Variants in ETV6 observed in about 807,000 individuals in gnomAD.
The protein encoded by ETV6 is transcription factor ETV6.
In ETV6, 16 loss-of-function variants were observed where a neutral mutation model predicts 51.1. The ratio of observed to expected loss-of-function variants is 0.31; its 90% confidence interval spans 0.21 to 0.48. The LOEUF is 0.48. Ranked by LOEUF, ETV6 falls within the 20% of genes least tolerant of loss-of-function variation. ETV6 has a pLI of 0.99. For synonymous variants in ETV6, 240 were observed against 224.1 expected, an observed-to-expected ratio of 1.07 and a Z score of -0.64; for missense variants, 458 against 594.8, an observed-to-expected ratio of 0.77 and a Z score of 2.39.
intron 1 of ETV6, among the ~76,000 whole-genome samples, chr12:11,744,227 T>C (rs1400136886): frequency 6.6e-6 from 1 of 152,198 alleles, no homozygotes. Context: ...CTCAGTTCAT[T>C]ACTTGTTAGC....
intron 2 of ETV6, among the ~76,000 whole-genome samples, chr12:11,799,656 A>G (rs1307014820): frequency 2.0e-5 from 3 of 152,232 alleles, no homozygotes; most frequent in Non-Finnish European, 4.4e-5. Flanking sequence ...TTGTGCTGCA[A>G]TGCCATTACG....
chr12:11,650,304 C>T (rs1863867713), intron 1 of ETV6, 144 bp downstream of exon 1: 8 of 742,434 alleles, frequency 1.1e-5, no homozygotes, highest in Non-Finnish European at 1.9e-5. Flanking sequence ...AGAGATGCAG[C>T]TCGCGGTGGC....
intron 7 of ETV6, among the ~76,000 whole-genome samples, chr12:11,890,089 G>T (rs945474951): frequency 1.3e-5 from 2 of 150,850 alleles, no homozygotes; most frequent in East Asian, 1.9e-4. Flanking sequence ...TTCATTGCTG[G>T]CATTTTGGGT....
chr12:11,879,094 C>CT (rs952109532), intron 5 of ETV6, among the ~76,000 whole-genome samples: 12 of 151,408 alleles, frequency 7.9e-5, no homozygotes, highest in African/African-American at 1.9e-4. Flanking sequence ...TTAGTAGCAA[C>CT]TTTTTTTTTC....
intron 1 of ETV6, among the ~76,000 whole-genome samples, chr12:11,738,401 C>G (rs546497986): frequency 6.7e-6 from 1 of 150,350 alleles, no homozygotes; most frequent in South Asian, 2.1e-4. Flanking sequence ...ACCAGCCTTG[C>G]ACTTCTTGGG....
At chr12:11,889,837 T>C (rs1009750004) in intron 7 of ETV6, among the ~76,000 whole-genome samples, 6 of 152,288 alleles carry the variant, frequency 3.9e-5, no homozygotes, top group Admixed American at 2.6e-4. Context: ...AGAGAAAATG[T>C]AAGCTCTAAG....
At chr12:11,787,659 C>T (rs1285168069) in intron 2 of ETV6, among the ~76,000 whole-genome samples, 1 of 152,170 alleles carries the variant, frequency 6.6e-6, no homozygotes, top group Admixed American at 6.5e-5. Flanking sequence ...CAAGATCACA[C>T]AGCAAGTAGG....
Position 11,873,115 on chromosome 12 carries a change from C to T in ETV6, c.1009+3146C>T, listed in dbSNP as rs148986976. On this transcript the variant is annotated intron_variant, in intron 5 of 7. Coordinates refer to ENST00000396373, the MANE Select transcript of ETV6 (RefSeq NM_001987.5). ...GGCATATTCAAAAGTTTTTAAATCTCCCAATATATATTTTAACTAATGCAA... is the reference window on the plus strand; with the variant it reads ...GGCATATTCAAAAGTTTTTAAATCTTCCAATATATATTTTAACTAATGCAA... 2.3e-3 allele frequency among the ~76,000 whole-genome samples: 352 copies of T among 152,258 alleles called. 7 individuals carry two copies. In the East Asian group the frequency reaches 0.058, roughly 25 times the overall value.
At chr12:11,800,639 C>A (rs1237906493) in intron 2 of ETV6, among the ~76,000 whole-genome samples, 1 of 152,142 alleles carries the variant, frequency 6.6e-6, no homozygotes. Context: ...TATATCTTTT[C>A]ATTACTGGCT....
chr12:11,699,697 G>A (rs1437338582), intron 1 of ETV6, among the ~76,000 whole-genome samples: 1 of 152,138 alleles, frequency 6.6e-6, no homozygotes, highest in Non-Finnish European at 1.5e-5. Flanking sequence ...AAAGAGGATA[G>A]GAAAATGCTC....
rs147213844 is a variant in ETV6, at chr12:11,895,246, G to GT, written c.*4201dup. 1,318 of 231,482 alleles carry GT rather than the reference G, an allele frequency of 5.7e-3. 22 individuals carry two copies. The highest frequency in any genetic ancestry group is 0.027 in the African/African-American group (1,210 of 45,024). The allele number at this position is 231,482 out of a possible 1,614,324, so 14.3% of individuals were successfully genotyped here. On this transcript the variant is annotated 3_prime_UTR_variant, in exon 8 of 8. Transcript: ENST00000396373. ...GTTTCTAATCTCTTGTTTATGAGGT[G>GT]TGGGGTTTATAAGGGACTGAATCAA...
chr12:11,844,586 T>A (rs555844487), intron 3 of ETV6, among the ~76,000 whole-genome samples: 195 of 152,210 alleles, frequency 1.3e-3, no homozygotes, highest in Non-Finnish European at 2.2e-3. Flanking sequence ...AATGGTAGGT[T>A]TGCCAGATTG....
intron 1 of ETV6, among the ~76,000 whole-genome samples, chr12:11,678,973 A>C (rs1213400514): frequency 6.6e-6 from 1 of 152,184 alleles, no homozygotes; most frequent in African/African-American, 2.4e-5. Context: ...AGACTGCTTT[A>C]CTGTTCAGGA....
Position 11,894,279 on chromosome 12 carries a change from C to T in ETV6, c.*3233C>T, listed in dbSNP as rs1309811327. ...AGAGGAAAATGCAAAGGAGCCCTGC[C>T]GTGTGATGGATGTGCATTCTCACTT... On this transcript the variant is annotated 3_prime_UTR_variant, in exon 8 of 8. Transcript: ENST00000396373. 9 of 232,876 alleles carry T rather than the reference C, an allele frequency of 3.9e-5. No homozygotes were observed. Among genetic ancestry groups the T allele is most frequent in the Admixed American group, 5.6e-5 (1 of 17,784 alleles). 14.4% of individuals were successfully genotyped at this position (232,876 alleles called of 1,614,324 possible). A position where few individuals can be genotyped will look rare whatever the true frequency, so the allele number is the denominator to read the frequency against.
chr12:11,859,143 T>C lies in ETV6; in HGVS notation c.463+5582T>C, dbSNP rs1417732086. ...GGTTTTTTTTTTTTTTTTTTTTTTT[T>C]TTTTTTTTTTTTTTTTGAGAAGGAG... On this transcript the variant is annotated intron_variant, in intron 4 of 7. Coordinates refer to ENST00000396373, the MANE Select transcript of ETV6 (RefSeq NM_001987.5). 6.5e-5 allele frequency among the ~76,000 whole-genome samples: 7 copies of C among 107,368 alleles called. 1 individual carries two copies. Among genetic ancestry groups the C allele is most frequent in the Admixed American group, 1.9e-4 (2 of 10,708 alleles). 70.4% of individuals were successfully genotyped at this position (107,368 alleles called of 152,430 possible).
intron 1 of ETV6, among the ~76,000 whole-genome samples, chr12:11,747,007 A>G (rs1236595338): frequency 6.6e-6 from 1 of 152,136 alleles, no homozygotes; most frequent in Non-Finnish European, 1.5e-5. Flanking sequence ...AACCATCTAC[A>G]TAAACTAGAG....
intron 2 of ETV6, among the ~76,000 whole-genome samples, chr12:11,773,487 A>C (rs1945272822): frequency 1.3e-5 from 2 of 152,214 alleles, no homozygotes. Flanking sequence ...GAACATTGGC[A>C]CTGTCTGGTT....
intron 3 of ETV6, among the ~76,000 whole-genome samples, chr12:11,850,240 C>T (rs1238067252): frequency 6.6e-6 from 1 of 152,166 alleles, no homozygotes; most frequent in Non-Finnish European, 1.5e-5. Flanking sequence ...CCCCTCTGAC[C>T]CTGCTCCCTT....
chr12:11,786,332 ATTTG>A (rs1473076766), intron 2 of ETV6, among the ~76,000 whole-genome samples: 5 of 68,218 alleles, frequency 7.3e-5, no homozygotes, highest in Non-Finnish European at 1.5e-4. Flanking sequence ...GTACAACTTA[ATTTG>A]TTTTTTTTTT....
Sources: gnomAD v4.1 joint callset for allele counts (sites outside exome capture counted in the v4.1 genomes callset) on GRCh38, gnomAD v4.1.1 for gene constraint, MANE v1.5 for transcripts, NCBI Gene and HGNC (gene_info 2026-07-23, HGNC 2026-07-21) for gene names.